MBD5: variants seen among roughly 807,000 people sequenced by gnomAD.
MBD5 encodes methyl-CpG-binding domain protein 5.
In MBD5, 13 loss-of-function variants were observed where a neutral mutation model predicts 117.3. The observed-to-expected ratio is 0.11, with a 90% confidence interval of 0.07 to 0.18. The LOEUF is 0.18. Ranked by LOEUF, MBD5 falls within the 10% of genes least tolerant of loss-of-function variation. The pLI, the probability that MBD5 is intolerant of heterozygous loss-of-function variation, is 1.00. For missense variants in MBD5, 1,879 were observed against 2,093.8 expected (o/e 0.90, Z 2.00); for synonymous variants, 727 against 766.4 (o/e 0.95, Z 0.85).
chr2:148,378,009 T>C (rs918666426), intron 4 of MBD5, among the ~76,000 whole-genome samples: 12 of 152,304 alleles, frequency 7.9e-5, no homozygotes, highest in Admixed American at 7.2e-4. Context: ...TTATAGAAAT[T>C]AGCTATTATG....
chr2:148,168,106 C>G (rs973787564), intron 1 of MBD5, among the ~76,000 whole-genome samples: 1 of 152,084 alleles, frequency 6.6e-6, no homozygotes, highest in African/African-American at 2.4e-5. Context: ...TTGTTTGCTC[C>G]TACAAGTTCT....
intron 3 of MBD5, among the ~76,000 whole-genome samples, chr2:148,336,512 T>C (rs538772958): frequency 6.8e-4 from 103 of 152,118 alleles, no homozygotes; most frequent in African/African-American, 2.2e-3. Flanking sequence ...TCAGCCTCCC[T>C]TGTAGCTGGG....
chr2:148,236,391 T>A (rs1449110054), intron 3 of MBD5, among the ~76,000 whole-genome samples: 1 of 152,162 alleles, frequency 6.6e-6, no homozygotes. Context: ...GATGGACTTT[T>A]CAAGTTAGAA....
intron 1 of MBD5, among the ~76,000 whole-genome samples, chr2:148,079,887 C>CA (rs79461383): frequency 1.9e-5 from 1 of 51,816 alleles, no homozygotes; most frequent in Non-Finnish European, 4.9e-5. Flanking sequence ...ACAACAACAA[C>CA]AACAACAACA....
At chr2:148,410,365 C>A (rs115818153) in intron 4 of MBD5, among the ~76,000 whole-genome samples, 1,680 of 152,170 alleles carry the variant, frequency 0.011, 16 homozygotes, top group African/African-American at 0.036. Context: ...ATGTACTGTC[C>A]GTTTTACTTT....
chr2:148,396,344 C>T (rs765619487), intron 4 of MBD5, among the ~76,000 whole-genome samples: 7 of 152,168 alleles, frequency 4.6e-5, no homozygotes, highest in Non-Finnish European at 1.0e-4. Context: ...TGCACAGCGG[C>T]GGCTACAAGC....
chr2:148,502,890 T>C (rs1681916493), intron 12 of MBD5: 3 of 287,744 alleles, frequency 1.0e-5, no homozygotes, highest in Non-Finnish European at 2.0e-5. Flanking sequence ...ATACCCCTCG[T>C]TGTACACATG....
chr2:148,509,727 C>A (rs1233884730), intron 12 of MBD5, among the ~76,000 whole-genome samples: 1 of 152,200 alleles, frequency 6.6e-6, no homozygotes, highest in African/African-American at 2.4e-5. Flanking sequence ...CCGGCTGGAG[C>A]CAGGGAGCAT....
At chr2:148,187,413 C>A (rs78265240) in intron 2 of MBD5, among the ~76,000 whole-genome samples, 1,855 of 150,580 alleles carry the variant, frequency 0.012, 43 homozygotes, top group African/African-American at 0.043. Flanking sequence ...AATATTTGAA[C>A]AAATATGGCC....
At chr2:148,039,215 C>G (rs1694289716) in intron 1 of MBD5, among the ~76,000 whole-genome samples, 1 of 151,964 alleles carries the variant, frequency 6.6e-6, no homozygotes, top group African/African-American at 2.4e-5. Flanking sequence ...TATCCCATAT[C>G]ATATTTTTGC....
chr2:148,298,605 C>T (rs1388827622), intron 3 of MBD5, among the ~76,000 whole-genome samples: 1 of 152,170 alleles, frequency 6.6e-6, no homozygotes, highest in Non-Finnish European at 1.5e-5. Flanking sequence ...TCATCCATTC[C>T]AGAAGTGAGT....
intron 2 of MBD5, among the ~76,000 whole-genome samples, chr2:148,217,775 A>G (rs1054868999): frequency 6.6e-6 from 1 of 152,126 alleles, no homozygotes; most frequent in African/African-American, 2.4e-5. Flanking sequence ...AGCTGAAGAA[A>G]CATCAAGTCA....
At chr2:148,045,974 C>CTTTTTTT (rs59672002) in intron 1 of MBD5, among the ~76,000 whole-genome samples, 1 of 77,482 alleles carries the variant, frequency 1.3e-5, no homozygotes, top group African/African-American at 5.3e-5. Flanking sequence ...AATGAAGTGC[C>CTTTTTTT]TTTTTTTTTT....
chr2:148,360,033 G>GGAATATATTTCACTGAATATTCACTGAAT (rs1356034861), intron 4 of MBD5, among the ~76,000 whole-genome samples: 149 of 152,188 alleles, frequency 9.8e-4, no homozygotes, highest in African/African-American at 3.2e-3. Context: ...AAATTCACTA[G>GGAATATATTTCACTGAATATTCACTGAAT]ATTTCAAGGA....
chr2:148,072,583 T>C (rs1015374665), intron 1 of MBD5, among the ~76,000 whole-genome samples: 2 of 152,140 alleles, frequency 1.3e-5, no homozygotes, highest in Non-Finnish European at 2.9e-5. Flanking sequence ...GTAAATTGAA[T>C]GATTTTAGAT....
At chr2:148,163,357 G>A (rs527310605) in intron 1 of MBD5, among the ~76,000 whole-genome samples, 4 of 152,216 alleles carry the variant, frequency 2.6e-5, no homozygotes, top group Admixed American at 2.6e-4. Context: ...TCTTAGCTTT[G>A]ATTTCCATCG....
intron 2 of MBD5, among the ~76,000 whole-genome samples, chr2:148,198,968 CTG>C (rs1428541377): frequency 6.6e-6 from 1 of 151,228 alleles, no homozygotes; most frequent in Non-Finnish European, 1.5e-5. Flanking sequence ...ATGTATATAT[CTG>C]TGTATATTAT....
chr2:148,062,794 C>A (rs895232206), intron 1 of MBD5, among the ~76,000 whole-genome samples: 1 of 151,228 alleles, frequency 6.6e-6, no homozygotes, highest in African/African-American at 2.4e-5. Context: ...ATTTACAACT[C>A]TAAAAGTAAG....
At chr2:148,447,708 G>A (rs1706607239) in intron 4 of MBD5, 1 of 152,074 alleles carries the variant, frequency 6.6e-6, no homozygotes, top group African/African-American at 2.4e-5. Flanking sequence ...CAGGAATGTT[G>A]GCCTAGTGTT....
Sources: allele counts gnomAD v4.1 joint callset (sites outside exome capture counted in the v4.1 genomes callset), GRCh38; gene constraint gnomAD v4.1.1; transcripts MANE v1.5; gene names NCBI Gene and HGNC (gene_info 2026-07-23, HGNC 2026-07-21).